CTSA: variants seen among roughly 807,000 people sequenced by gnomAD.
CTSA encodes the protein lysosomal protective protein.
Under a neutral mutation model 66.7 loss-of-function variants are expected in CTSA, and 42 were observed. The ratio of observed to expected loss-of-function variants is 0.63; its 90% CI spans 0.49 to 0.81. CTSA has a LOEUF of 0.81. Among genes scored for constraint, CTSA ranks in the 40% least tolerant of loss-of-function variants. CTSA has a pLI of 0.00. For missense variants in CTSA, 525 were observed against 610.9 expected (o/e 0.86, Z 1.48); for synonymous variants, 225 against 248.6 (o/e 0.91, Z 0.89).
chr20:45,893,486 CTTTT>C (rs5841610), intron 7 of CTSA, 175 bp downstream of exon 7: 11 of 519,066 alleles, frequency 2.1e-5, no homozygotes, highest in African/African-American at 4.0e-5. Context: ...TTCTTTCTTT[CTTTT>C]TTTTTTTTTT....
In CTSA at chr20:45,898,492, C is replaced by T; in HGVS notation, c.*42C>T. On this transcript the variant is annotated 3_prime_UTR_variant, in exon 15 of 15. Transcript: ENST00000646241. The surrounding 1 kb of genome is among the most constrained non-coding windows in gnomAD (Gnocchi z 4.6). ...CTCCACGGCCTGATGCAGCCCCTCC[C>T]AGCCTCTCCCGCTAGGAGAGTCCTC... 6.3e-7 allele frequency: 1 copy of T among 1,576,832 alleles called. No homozygotes were observed. Among genetic ancestry groups the T allele is most frequent in the Admixed American group, 1.7e-5 (1 of 59,742 alleles).
intron 8 of CTSA, chr20:45,894,289 C>T: frequency 1.6e-6 from 1 of 638,146 alleles, no homozygotes; most frequent in South Asian, 1.8e-5. Context: ...GAAAGGACTT[C>T]TTCACATTTA....
At position 45,891,821 on chromosome 20, in the gene CTSA, G is replaced by A. The variant is rs1264316977; in HGVS notation, c.194+59G>A. 1 of 1,612,176 alleles carries A rather than the reference G, an allele frequency of 6.2e-7. No homozygotes were observed. Among genetic ancestry groups the A allele is most frequent in the Non-Finnish European group, 8.5e-7 (1 of 1,178,342 alleles). ...GAAGAGATGACGGATGAGGGATGGG[G>A]GGTAGTTCTGCAGACCCCTGAGGAT... On this transcript the variant is annotated intron_variant, in intron 2 of 14. Coordinates refer to ENST00000646241, the MANE Select transcript of CTSA (RefSeq NM_000308.4). This position sits in a 1 kb window ranked among gnomAD's most constrained non-coding sequence, Gnocchi z 4.6.
At position 45,893,297 on chromosome 20, in the gene CTSA, C is replaced by T. The variant is rs1432868754; in HGVS notation, c.678C>T (p.Gly226=). ...TGGTCTACTTTGCCTACTACCATGGCCTTCTGGGGAACAGGTATGGGATAG... is the reference window on the plus strand; with the variant it reads ...TGGTCTACTTTGCCTACTACCATGGTCTTCTGGGGAACAGGTATGGGATAG... ...NSLVYFAYYH[G]LLGNRLWSSL... The change falls in exon 7 of 15, where the codon GGC becomes GGT. Residue 226 remains glycine, a synonymous_variant. Transcript: ENST00000646241. The T allele has an allele frequency of 1.2e-6, 2 of 1,613,640 alleles. No individual in the cohort carries two copies. The highest frequency in any genetic ancestry group is 1.7e-5 in the Admixed American group (1 of 60,004).
At position 45,897,964 on chromosome 20, in the gene CTSA, G is replaced by A. The variant is rs565007019; in HGVS notation, c.1255-41G>A. ...GGTCTTGCTGGTAGCTGTGAGCAAG[G>A]ATGCAGCTGCTGTAGGCTGATGTCT... On this transcript the variant is annotated intron_variant, in intron 13 of 14. Transcript: ENST00000646241. The A allele has an allele frequency of 1.9e-6, 3 of 1,600,432 alleles. No homozygotes were observed. The Admixed American group carries it at 5.0e-5, about 27-fold the overall frequency.
intron 7 of CTSA, 75 bp from the exon 8 acceptor site, chr20:45,893,913 G>C (rs947497372): frequency 2.3e-6 from 2 of 887,342 alleles, no homozygotes; most frequent in Middle Eastern, 2.4e-4. Context: ...GGTGGGAGGT[G>C]GGGGGTATGC....
rs769753408 is a variant in CTSA, at chr20:45,897,763, A to G, written c.1211A>G (p.Asn404Ser). The part of the protein sequence containing the change: ...LYNGDVDMAC[N>S]FMGDEWFVDS... The stretch of plus-strand genomic sequence containing the variant: ...AATGGAGATGTAGACATGGCCTGCA[A>G]TTTCATGGGGGATGAGTGGTTTGTG... Residue 404 changes from asparagine to serine, a missense_variant, in exon 13 of 15, where the codon AAT becomes AGT. Asn to Ser is a conservative substitution (Grantham distance 46, BLOSUM62 1). This residue lies in a region of CTSA where 274 missense variants were observed against 321.1 expected (regional missense o/e 0.85). Transcript: ENST00000646241. 3.1e-6 allele frequency: 5 copies of G among 1,612,854 alleles called. No individual in the cohort carries two copies. The highest frequency in any genetic ancestry group is 1.1e-5 in the South Asian group (1 of 91,068).
chr20:45,893,355 CA>C (rs767893738), intron 7 of CTSA, 44 bp downstream of exon 7: 2 of 1,434,754 alleles, frequency 1.4e-6, no homozygotes, highest in African/African-American at 2.8e-5. Flanking sequence ...TGAGGCAGGT[CA>C]CATGATCTCA....
At chr20:45,893,499 TTG>T in intron 7 of CTSA, 188 bp downstream of exon 7, 1 of 587,572 alleles carries the variant, frequency 1.7e-6, no homozygotes, top group Non-Finnish European at 3.0e-6. Flanking sequence ...TTTTTTTTTT[TTG>T]AGACAGATTC....
In CTSA at chr20:45,895,069, A is replaced by T; in HGVS notation, c.1024A>T (p.Asn342Tyr). Residue 342 changes from asparagine (N) to tyrosine (Y), a missense_variant, in exon 11 of 15, where the codon AAC becomes TAC. This residue lies in a region of CTSA where 274 missense variants were observed against 321.1 expected (regional missense o/e 0.85). Coordinates refer to ENST00000646241, the MANE Select transcript of CTSA (RefSeq NM_000308.4). ...CACAACAGCTGCTTCCACCTACCTC[A>T]ACAACCCGTACGTGCGGAAGGCCCT... Reference protein sequence around the residue: ...TNTTAASTYLNNPYVRKALNI... With the variant: ...TNTTAASTYLYNPYVRKALNI... The T allele has an allele frequency of 1.2e-6, 2 of 1,614,008 alleles. No homozygotes were observed. Among genetic ancestry groups the T allele is most frequent in the Non-Finnish European group, 1.7e-6 (2 of 1,179,898 alleles).
chr20:45,894,378 A>G lies in CTSA; in HGVS notation c.778-272A>G, dbSNP rs983646130. The G allele has an allele frequency of 1.3e-5, 8 of 605,640 alleles. No individual in the cohort carries two copies. In the Admixed American group the frequency reaches 2.2e-4, roughly 17 times the overall value. The allele number at this position is 605,640 out of a possible 1,614,324, so 37.5% of individuals were successfully genotyped here. A position where few individuals can be genotyped will look rare whatever the true frequency, so the allele number is the denominator to read the frequency against. On this transcript the variant is annotated intron_variant, in intron 8 of 14. Coordinates refer to ENST00000646241, the MANE Select transcript of CTSA (RefSeq NM_000308.4). ...TTTAAGCTTCAAGATTCCCCCTCAA[A>G]TGAGATCATACTACCCACATTTTCC...
intron 11 of CTSA, chr20:45,895,334 T>C: frequency 1.5e-6 from 1 of 646,714 alleles, no homozygotes; most frequent in East Asian, 2.9e-5. Flanking sequence ...AAAATTTTTT[T>C]GTTTGAGACA....
At chr20:45,896,297 T>C (rs2083106006) in intron 11 of CTSA, 1 of 151,130 alleles carries the variant, frequency 6.6e-6, no homozygotes, top group Non-Finnish European at 1.4e-5. Flanking sequence ...GCAGGGCTGC[T>C]CAGGTCCATT....
chr20:45,893,808 G>A (rs1447632336), intron 7 of CTSA, among the ~76,000 whole-genome samples, 180 bp from the exon 8 acceptor site: 1 of 152,126 alleles, frequency 6.6e-6, no homozygotes, highest in South Asian at 2.1e-4. Context: ...AGGCCTGTCT[G>A]TATGACCCTG....
rs937029886 is a variant in CTSA at position 45,896,836 on chromosome 20, A to G, written c.1089-129A>G. On this transcript the variant is annotated intron_variant, in intron 11 of 14. Coordinates refer to ENST00000646241, the MANE Select transcript of CTSA (RefSeq NM_000308.4). ...GTCCTAGAGAGGTGGCCCCCCCCCAAAAAGGGGAGTGGAACCCAGCTGTCT... is the reference window on the plus strand; with the variant it reads ...GTCCTAGAGAGGTGGCCCCCCCCCAGAAAGGGGAGTGGAACCCAGCTGTCT... The G allele has an allele frequency of 8.7e-5, 70 of 806,662 alleles. 1 individual carries two copies. The highest frequency in any genetic ancestry group is 7.4e-4 in the South Asian group (55 of 74,196). The allele number at this position is 806,662 out of a possible 1,614,324, so 50.0% of individuals were successfully genotyped here.
At chr20:45,896,900 T>G in intron 11 of CTSA, 65 bp from the exon 12 acceptor site, 3 of 1,284,562 alleles carry the variant, frequency 2.3e-6, no homozygotes, top group Non-Finnish European at 3.4e-6. Flanking sequence ...AGAGAAGGTC[T>G]GATCTGTTGA....
At position 45,898,567 on chromosome 20, in the gene CTSA, C is replaced by G. The variant is rs906859715; in HGVS notation, c.*117C>G. The G allele has an allele frequency of 5.9e-6, 6 of 1,010,136 alleles. No individual in the cohort carries two copies. The African/African-American group carries it at 7.9e-5, about 13-fold the overall frequency. The allele number at this position is 1,010,136 out of a possible 1,614,324, so 62.6% of individuals were successfully genotyped here. On this transcript the variant is annotated 3_prime_UTR_variant, in exon 15 of 15. Transcript: ENST00000646241. This position sits in a 1 kb window ranked among gnomAD's most constrained non-coding sequence, Gnocchi z 4.6. Reference sequence around the variant, plus strand: ...CCGGGTTCTGCCGCCAGGACTGCCCCCTTCCCAGAGCCCTGTACATCCCAG... The same window carrying G: ...CCGGGTTCTGCCGCCAGGACTGCCCGCTTCCCAGAGCCCTGTACATCCCAG...
Position 45,894,848 on chromosome 20 carries a change from C to T in CTSA, c.895C>T (p.Gln299Ter). Residue 299 changes from glutamine (Q) to a stop codon, truncating the protein, a stop_gained, in exon 10 of 15, where the codon CAG (glutamine) becomes TAG (stop). Transcript: ENST00000646241. LOFTEE classifies it high-confidence loss of function. Reference sequence around the variant, plus strand: ...GTATGAGAAGGACACTGTTGTGGTCCAGGATTTGGGCAACATCTTCACTCG... The same window carrying T: ...GTATGAGAAGGACACTGTTGTGGTCTAGGATTTGGGCAACATCTTCACTCG... ...FRYEKDTVVV[Q>*]DLGNIFTRLP... 2 of 1,614,048 alleles carry T rather than the reference C, an allele frequency of 1.2e-6. No individual in the cohort carries two copies. Among genetic ancestry groups the T allele is most frequent in the Non-Finnish European group, 1.7e-6 (2 of 1,180,016 alleles).
rs1176770052 is a variant in CTSA at position 45,891,337 on chromosome 20, TC to T, written c.-39del. On this transcript the variant is annotated 5_prime_UTR_variant, in exon 1 of 15. Transcript: ENST00000646241. The surrounding 1 kb of genome is among the most constrained non-coding windows in gnomAD (Gnocchi z 4.6). ...CGTGACTCGTACACATGACTTCCAG[TC>T]CCCGGGCGCCTCCTGGAGAGCAAGG... is the stretch of plus-strand genomic sequence containing the variant. 6.4e-7 allele frequency: 1 copy of T among 1,567,524 alleles called. No homozygotes were observed. The highest frequency in any genetic ancestry group is 8.6e-7 in the Non-Finnish European group (1 of 1,156,374).
Sources: allele counts gnomAD v4.1 joint callset (sites outside exome capture counted in the v4.1 genomes callset), GRCh38; gene constraint gnomAD v4.1.1; regional missense constraint gnomAD v4.1.1; non-coding constraint Gnocchi (gnomAD v3.1); transcripts MANE v1.5; gene names NCBI Gene and HGNC (gene_info 2026-07-23, HGNC 2026-07-21).